The following IL1RAPL2 variants were observed in gnomAD, a reference collection of about 807,000 sequenced individuals.
IL1RAPL2 encodes the protein interleukin 1 receptor accessory protein like 2.
A neutral mutation model predicts 44.1 loss-of-function variants in IL1RAPL2; 3 were observed. The observed-to-expected ratio is 0.07, with a 90% CI of 0.03 to 0.18. The LOEUF is 0.18. IL1RAPL2 is among the 10% of genes least tolerant of loss of function. The pLI is 1.00. For missense variants in IL1RAPL2, 391 were observed against 496.4 expected (o/e 0.79, Z 2.02); for synonymous variants, 181 against 178.8 (o/e 1.01, Z -0.10).
At chrX:104,603,776 G>A (rs770184245) in intron 1 of IL1RAPL2, among the ~76,000 whole-genome samples, 9 of 111,900 alleles carry the variant, frequency 8.0e-5, no homozygotes, top group East Asian at 2.8e-4. Flanking sequence ...AAAGGAATGA[G>A]CAAAGCATCC....
intron 2 of IL1RAPL2, among the ~76,000 whole-genome samples, chrX:105,180,146 G>A (rs1247127077): frequency 9.1e-6 from 1 of 109,676 alleles, no homozygotes; most frequent in Non-Finnish European, 1.9e-5. Context: ...AGACTAGTGT[G>A]GCCAACATGG....
chrX:105,717,314 C>T, intron 6 of IL1RAPL2, 53 bp from the exon 7 acceptor site: 5 of 1,075,580 alleles, frequency 4.6e-6, no homozygotes, highest in Non-Finnish European at 6.1e-6. Flanking sequence ...CGCTTCCTGT[C>T]TCCCACTGAT....
At chrX:104,891,682 T>C (rs1477405712) in intron 2 of IL1RAPL2, among the ~76,000 whole-genome samples, 1 of 112,198 alleles carries the variant, frequency 8.9e-6, no homozygotes, top group Non-Finnish European at 1.9e-5. Flanking sequence ...TATCAGCTTA[T>C]GGAGATTTTG....
chrX:104,722,172 C>T lies in IL1RAPL2; in HGVS notation c.82+63177C>T, dbSNP rs112569106. Among the ~76,000 whole-genome samples, 348 of 110,774 alleles carry T rather than the reference C, an allele frequency of 3.1e-3. 2 individuals are homozygous for T. Among genetic ancestry groups the T allele is most frequent in the African/African-American group, 0.011 (333 of 30,557 alleles). Reference sequence around the variant, plus strand: ...TAGTAAATACTTCAGGGTCATAGGCCATACAGTCTCTATTGCAATTACTCA... The same window carrying T: ...TAGTAAATACTTCAGGGTCATAGGCTATACAGTCTCTATTGCAATTACTCA... On this transcript the variant is annotated intron_variant, in intron 2 of 10. Transcript: ENST00000372582.
chrX:104,707,933 A>G (rs1361691640), intron 2 of IL1RAPL2, among the ~76,000 whole-genome samples: 4 of 111,699 alleles, frequency 3.6e-5, no homozygotes, highest in Admixed American at 2.9e-4. Context: ...TTGCTTCTTT[A>G]TAATCACTTG....
At chrX:105,544,256 T>C (rs2036769888) in intron 6 of IL1RAPL2, among the ~76,000 whole-genome samples, 1 of 112,133 alleles carries the variant, frequency 8.9e-6, no homozygotes, top group Non-Finnish European at 1.9e-5. Context: ...ATATTAATTT[T>C]TGCATCTTAC....
chrX:105,075,063 A>G (rs1457923003), intron 2 of IL1RAPL2, among the ~76,000 whole-genome samples: 1 of 111,232 alleles, frequency 9.0e-6, no homozygotes. Flanking sequence ...CCCTGGCCAG[A>G]CCTTCCAACA....
intron 2 of IL1RAPL2, among the ~76,000 whole-genome samples, chrX:104,812,052 G>A (rs1932987227): frequency 9.0e-6 from 1 of 111,205 alleles, no homozygotes; most frequent in South Asian, 3.9e-4. Flanking sequence ...GGCAGGAAGG[G>A]CAATGCAAAT....
intron 5 of IL1RAPL2, among the ~76,000 whole-genome samples, chrX:105,430,170 T>C (rs1183058595): frequency 8.9e-6 from 1 of 111,851 alleles, no homozygotes; most frequent in Non-Finnish European, 1.9e-5. Context: ...AACCCCAGTA[T>C]GACAATAATA....
intron 2 of IL1RAPL2, among the ~76,000 whole-genome samples, chrX:105,130,896 A>G (rs1007318686): frequency 1.8e-5 from 2 of 111,465 alleles, no homozygotes; most frequent in Non-Finnish European, 3.8e-5. Context: ...TGAGTCCTCT[A>G]ATAAAGTGGA....
At chrX:104,783,643 G>T (rs1269473946) in intron 2 of IL1RAPL2, among the ~76,000 whole-genome samples, 3 of 109,013 alleles carry the variant, frequency 2.8e-5, no homozygotes, top group Non-Finnish European at 5.7e-5. Context: ...TGTTTTTATT[G>T]CTCAAATATT....
intron 6 of IL1RAPL2, among the ~76,000 whole-genome samples, chrX:105,542,149 C>G (rs1197242062): frequency 8.9e-6 from 1 of 112,137 alleles, no homozygotes; most frequent in Non-Finnish European, 1.9e-5. Context: ...CAATGCTTTT[C>G]CACCTGCTCA....
intron 4 of IL1RAPL2, among the ~76,000 whole-genome samples, chrX:105,255,885 G>A (rs2147649738): frequency 8.9e-6 from 1 of 112,114 alleles, no homozygotes; most frequent in South Asian, 3.7e-4. Context: ...TTTACCAAAA[G>A]CCTTTGCTTT....
chrX:105,384,626 T>C (rs998146445), intron 5 of IL1RAPL2, among the ~76,000 whole-genome samples: 4 of 111,288 alleles, frequency 3.6e-5, no homozygotes, highest in African/African-American at 1.3e-4. Flanking sequence ...TTTAGGATTT[T>C]TTTTTCTATT....
chrX:104,691,513 C>T (rs942473119), intron 2 of IL1RAPL2, among the ~76,000 whole-genome samples: 1 of 111,986 alleles, frequency 8.9e-6, no homozygotes, highest in Non-Finnish European at 1.9e-5. Context: ...AAATGAATAC[C>T]ACCTCTGGGT....
At chrX:105,409,518 G>A (rs755831369) in intron 5 of IL1RAPL2, among the ~76,000 whole-genome samples, 8 of 111,006 alleles carry the variant, frequency 7.2e-5, no homozygotes, top group Non-Finnish European at 1.3e-4. Flanking sequence ...ATCAGCTAGT[G>A]GTAAGTGCCA....
At chrX:105,230,487 CAT>C (rs1175688113) in intron 3 of IL1RAPL2, among the ~76,000 whole-genome samples, 3 of 107,002 alleles carry the variant, frequency 2.8e-5, no homozygotes, top group African/African-American at 1.0e-4. Context: ...TATATGTATA[CAT>C]ATATATTAAT....
intron 1 of IL1RAPL2, among the ~76,000 whole-genome samples, chrX:104,625,458 T>G (rs1210671678): frequency 8.9e-6 from 1 of 111,815 alleles, no homozygotes; most frequent in African/African-American, 3.2e-5. Context: ...AATAATGTAC[T>G]TATTATAATA....
chrX:104,761,948 C>CTTCTTG (rs1932461399), intron 2 of IL1RAPL2, among the ~76,000 whole-genome samples: 1 of 86,575 alleles, frequency 1.2e-5, no homozygotes, highest in Admixed American at 1.2e-4. Context: ...TCTTCTTCTT[C>CTTCTTG]TTCTTCTTCT....
Sources: allele counts gnomAD v4.1 joint callset (sites outside exome capture counted in the v4.1 genomes callset), GRCh38; gene constraint gnomAD v4.1.1; transcripts MANE v1.5; gene names NCBI Gene and HGNC (gene_info 2026-07-23, HGNC 2026-07-21).